DVL2: variants seen among roughly 807,000 people sequenced by gnomAD.
DVL2 encodes the protein segment polarity protein dishevelled homolog DVL-2.
A neutral mutation model predicts 69.8 loss-of-function variants in DVL2; 38 were observed. The ratio of observed to expected loss-of-function variants is 0.54; its 90% CI spans 0.42 to 0.71. DVL2 has a LOEUF of 0.71. DVL2 is among the 30% of genes least tolerant of loss of function. The pLI is 0.00. For missense variants in DVL2, 931 were observed against 1,008.1 expected (o/e 0.92, Z 1.04); for synonymous variants, 428 against 392.4 (o/e 1.09, Z -1.07).
In DVL2 at chr17:7,234,434, G is replaced by T; in HGVS notation, c.-172C>A. 1 of 751,080 alleles carries T rather than the reference G, an allele frequency of 1.3e-6. No individual in the cohort carries two copies. The allele number at this position is 751,080 out of a possible 1,614,324, so 46.5% of individuals were successfully genotyped here. On this transcript the variant is annotated 5_prime_UTR_variant, in exon 1 of 15. Transcript: ENST00000005340. ...CTGCGAGGGTGGCGGCGGGGGGCGG[G>T]CCGCGGGGTGCGACTCAAAGCCCCG...
At position 7,233,982 on chromosome 17, in the gene DVL2, G is replaced by A. The variant is rs754356296; in HGVS notation, c.194+87C>T. ...CCACCATAGGCCAGAAAATCCCAGTGTGGCCCAAAGTAGACGTGTGCCCCT... is the reference window on the plus strand; with the variant it reads ...CCACCATAGGCCAGAAAATCCCAGTATGGCCCAAAGTAGACGTGTGCCCCT... On this transcript the variant is annotated intron_variant, in intron 1 of 14. Coordinates refer to ENST00000005340, the MANE Select transcript of DVL2 (RefSeq NM_004422.3). 47 of 1,431,630 alleles carry A rather than the reference G, an allele frequency of 3.3e-5. 3 individuals are homozygous for A. The South Asian group carries it at 5.3e-4, about 16-fold the overall frequency. The allele number at this position is 1,431,630 out of a possible 1,614,324, so 88.7% of individuals were successfully genotyped here. A position where few individuals can be genotyped will look rare whatever the true frequency, so the allele number is the denominator to read the frequency against.
chr17:7,233,599 C>A (rs748764105), intron 1 of DVL2, among the ~76,000 whole-genome samples: 1 of 152,154 alleles, frequency 6.6e-6, no homozygotes, highest in Non-Finnish European at 1.5e-5. Flanking sequence ...CGCGTGCCCC[C>A]ACGCCCGGCT....
chr17:7,226,989 C>T (rs1291419222), intron 13 of DVL2, 101 bp downstream of exon 13: 2 of 1,210,516 alleles, frequency 1.7e-6, no homozygotes, highest in East Asian at 2.3e-5. Context: ...CTCGACCATC[C>T]ATGGTGGCCC....
chr17:7,227,196 G>A lies in DVL2; in HGVS notation c.1437C>T (p.Ala479=). 1 of 1,613,944 alleles carries A rather than the reference G, an allele frequency of 6.2e-7. No individual in the cohort carries two copies. The highest frequency in any genetic ancestry group is 8.5e-7 in the Non-Finnish European group (1 of 1,179,964). Residue 479 remains alanine, a synonymous_variant, in exon 13 of 15, where the codon GCC becomes GCT. Transcript: ENST00000005340. The part of the protein sequence containing the change: ...FPERREARKY[A]SGLLKAGLIR... ...TCAGGCCTGCTTTGAGCAGCCCGCT[G>A]GCATACTTGCGGGCCTCCCGCCGCT...
Position 7,226,115 on chromosome 17 carries a change from C to A in DVL2, c.1961G>T (p.Gly654Val). Residue 654 changes from glycine (G) to valine (V), a missense_variant, in exon 15 of 15, where the codon GGT becomes GTT. By Grantham distance (109) the Gly-to-Val change is moderately radical (BLOSUM62 -3). Coordinates refer to ENST00000005340, the MANE Select transcript of DVL2 (RefSeq NM_004422.3). ...TGGGTGGGCTCGGAGATTAGGGGCA[C>A]CCCCAGTTGAGCCTCTGGATGGAGG... ...GPPPSRGSTG[G>V]APNLRAHPGL... is the part of the protein sequence containing the mutation. 1 of 1,597,750 alleles carries A rather than the reference C, an allele frequency of 6.3e-7. No homozygotes were observed. The highest frequency in any genetic ancestry group is 8.5e-7 in the Non-Finnish European group (1 of 1,171,418).
At position 7,234,293 on chromosome 17, in the gene DVL2, G is replaced by A. The variant is rs373538561; in HGVS notation, c.-31C>T. The stretch of plus-strand genomic sequence containing the variant: ...CGCCCGCGCGCTCCCGGGCTCCACC[G>A]CCCACCCAAAGGGCTAATGGCCCCT... On this transcript the variant is annotated 5_prime_UTR_variant, in exon 1 of 15. Coordinates refer to ENST00000005340, the MANE Select transcript of DVL2 (RefSeq NM_004422.3). 2.0e-6 allele frequency: 3 copies of A among 1,506,748 alleles called. No individual in the cohort carries two copies. The highest frequency in any genetic ancestry group is 2.9e-5 in the African/African-American group (2 of 69,996). The allele number at this position is 1,506,748 out of a possible 1,614,324, so 93.3% of individuals were successfully genotyped here. A position where few individuals can be genotyped will look rare whatever the true frequency, so the allele number is the denominator to read the frequency against.
intron 13 of DVL2, 127 bp downstream of exon 13, chr17:7,226,963 T>G (rs1446310491): frequency 1.1e-6 from 1 of 947,372 alleles, no homozygotes; most frequent in African/African-American, 1.6e-5. Context: ...CAGGACCTAG[T>G]GCGGGACACA....
chr17:7,228,566 G>A (rs2142992651), intron 9 of DVL2: 1 of 202,550 alleles, frequency 4.9e-6, no homozygotes, highest in Admixed American at 5.3e-5. Context: ...CATGTACTTT[G>A]AACGTTATGT....
chr17:7,226,716 T>A, intron 13 of DVL2, 77 bp from the exon 14 acceptor site: 3 of 1,174,762 alleles, frequency 2.6e-6, no homozygotes, highest in Non-Finnish European at 3.5e-6. Flanking sequence ...GGAGAGGAAC[T>A]GGGAACAGTT....
chr17:7,229,118 G>C lies in DVL2; in HGVS notation c.957+17C>G. On this transcript the variant is annotated intron_variant, in intron 8 of 14. Transcript: ENST00000005340. The surrounding 1 kb of genome is among the most constrained non-coding windows in gnomAD (Gnocchi z 4.4). ...GGCCCCCGTGCAGGGCAGCTCAGTGGCCCTACCCCAGCACACCTGCAAAAG... is the reference window on the plus strand; with the variant it reads ...GGCCCCCGTGCAGGGCAGCTCAGTGCCCCTACCCCAGCACACCTGCAAAAG... 6.2e-7 allele frequency: 1 copy of C among 1,614,022 alleles called. No homozygotes were observed. The highest frequency in any genetic ancestry group is 8.5e-7 in the Non-Finnish European group (1 of 1,179,886).
chr17:7,233,598 C>T (rs1311829456), intron 1 of DVL2, among the ~76,000 whole-genome samples: 1 of 152,088 alleles, frequency 6.6e-6, no homozygotes, highest in Non-Finnish European at 1.5e-5. Flanking sequence ...GCGCGTGCCC[C>T]CACGCCCGGC....
rs775018358 is a variant in DVL2 at position 7,228,026 on chromosome 17, C to T, written c.1053G>A (p.Val351=). The change falls in exon 10 of 15, where the codon GTG becomes GTA. Residue 351 remains valine (V), a synonymous_variant. Coordinates refer to ENST00000005340, the MANE Select transcript of DVL2 (RefSeq NM_004422.3). ...GAGGAGAGGGATCCCAGCACTTGGC[C>T]ACAGTCAGCACAATGGGGCTATGGG... ...VHKPGPIVLT[V]AKCWDPSPQA... 2.3e-5 allele frequency: 36 copies of T among 1,549,872 alleles called. No individual in the cohort carries two copies. The highest frequency in any genetic ancestry group is 3.0e-5 in the Non-Finnish European group (35 of 1,149,962).
In DVL2 at chr17:7,230,127, G is replaced by A. The variant is rs762062670; in HGVS notation, c.439C>T (p.Leu147=). Residue 147 remains leucine (L), a synonymous_variant, in exon 4 of 15, where the codon CTG becomes TTG. Coordinates refer to ENST00000005340, the MANE Select transcript of DVL2 (RefSeq NM_004422.3). The part of the protein sequence containing the change: ...HPNVSSSHEN[L]EPETETESVV... Reference sequence around the variant, plus strand: ...GACTCGGTTTCTGTCTCAGGCTCCAGATTCTCATGGCTGCTGGACACATTA... The same window carrying A: ...GACTCGGTTTCTGTCTCAGGCTCCAAATTCTCATGGCTGCTGGACACATTA... 1.2e-6 allele frequency: 2 copies of A among 1,614,186 alleles called. No homozygotes were observed. The highest frequency in any genetic ancestry group is 1.7e-6 in the Non-Finnish European group (2 of 1,180,034).
At chr17:7,230,215 C>A in intron 3 of DVL2, 60 bp from the exon 4 acceptor site, 2 of 1,610,384 alleles carry the variant, frequency 1.2e-6, no homozygotes, top group Non-Finnish European at 1.7e-6. Flanking sequence ...GGATCCTAGG[C>A]GTCCCCTACC....
At chr17:7,228,734 A>C in intron 9 of DVL2, 1 of 504,886 alleles carries the variant, frequency 2.0e-6, no homozygotes, top group Non-Finnish European at 3.6e-6. Flanking sequence ...GGCATGTGCC[A>C]CCATGCCCAC....
rs1424605793 is a variant in DVL2 at position 7,227,554 on chromosome 17, G to A, written c.1232-19C>T. On this transcript the variant is annotated intron_variant, in intron 11 of 14. Transcript: ENST00000005340. ...TCACAGCCTGGCAGAGGAGACAACG[G>A]GTAACCAGAGTCAGGGATCGCTCCC... 6.2e-7 allele frequency: 1 copy of A among 1,613,350 alleles called. No homozygotes were observed. The highest frequency in any genetic ancestry group is 1.3e-5 in the African/African-American group (1 of 75,054).
Position 7,229,315 on chromosome 17 carries a change from A to AG in DVL2, c.818-42dup. 1 of 1,613,100 alleles carries AG rather than the reference A, an allele frequency of 6.2e-7. No individual in the cohort carries two copies. ...ATGTGAAAAGAGGAGCCCCTGCCACAGGACGCCCGGAACCCTAGAGACCAG... is the reference window on the plus strand; with the variant it reads ...ATGTGAAAAGAGGAGCCCCTGCCACAGGGACGCCCGGAACCCTAGAGACCAG... On this transcript the variant is annotated intron_variant, in intron 7 of 14. Transcript: ENST00000005340. The surrounding 1 kb of genome is among the most constrained non-coding windows in gnomAD (Gnocchi z 4.4).
intron 11 of DVL2, 56 bp downstream of exon 11, chr17:7,227,599 C>T: frequency 6.2e-7 from 1 of 1,614,058 alleles, no homozygotes. Context: ...ATGGATCAGA[C>T]CACTGCGGGA....
Position 7,233,981 on chromosome 17 carries a change from T to C in DVL2, c.194+88A>G, listed in dbSNP as rs567075708. 6 of 1,428,006 alleles carry C rather than the reference T, an allele frequency of 4.2e-6. 1 individual carries two copies. The South Asian group carries it at 5.9e-5, about 14-fold the overall frequency. The allele number at this position is 1,428,006 out of a possible 1,614,324, so 88.5% of individuals were successfully genotyped here. On this transcript the variant is annotated intron_variant, in intron 1 of 14. Coordinates refer to ENST00000005340, the MANE Select transcript of DVL2 (RefSeq NM_004422.3). ...TCCACCATAGGCCAGAAAATCCCAGTGTGGCCCAAAGTAGACGTGTGCCCC... is the reference window on the plus strand; with the variant it reads ...TCCACCATAGGCCAGAAAATCCCAGCGTGGCCCAAAGTAGACGTGTGCCCC...
Sources: gnomAD v4.1 joint callset for allele counts (sites outside exome capture counted in the v4.1 genomes callset) on GRCh38, gnomAD v4.1.1 for gene constraint, Gnocchi (gnomAD v3.1) non-coding constraint, MANE v1.5 for transcripts, NCBI Gene and HGNC (gene_info 2026-07-23, HGNC 2026-07-21) for gene names.